GSK3B: variants seen among roughly 807,000 people sequenced by gnomAD.
GSK3B encodes the protein glycogen synthase kinase-3 beta.
Under a neutral mutation model 56.4 loss-of-function variants are expected in GSK3B, and 15 were observed. The ratio of observed to expected loss-of-function variants is 0.27; its 90% confidence interval spans 0.18 to 0.41. GSK3B has a LOEUF of 0.41. Ranked by LOEUF, GSK3B falls within the 10% of genes least tolerant of loss-of-function variation. The pLI, the probability that GSK3B is intolerant of heterozygous loss-of-function variation, is 1.00. For synonymous variants in GSK3B, 181 were observed against 188.9 expected (o/e 0.96, Z 0.34); for missense variants, 300 against 513.4 (o/e 0.58, Z 4.02).
Position 120,094,409 on chromosome 3 carries a change from A to G in GSK3B, c.-975T>C, listed in dbSNP as rs1461758961. 6.2e-6 allele frequency: 2 copies of G among 320,712 alleles called. No homozygotes were observed. Among genetic ancestry groups the G allele is most frequent in the African/African-American group, 4.5e-5 (2 of 44,584 alleles). 19.9% of individuals were successfully genotyped at this position (320,712 alleles called of 1,614,324 possible). A position where few individuals can be genotyped will look rare whatever the true frequency, so the allele number is the denominator to read the frequency against. On this transcript the variant is annotated 5_prime_UTR_variant, in exon 1 of 11. Coordinates refer to ENST00000264235, the MANE Select transcript of GSK3B (RefSeq NM_001146156.2). Reference sequence around the variant, plus strand: ...GGGCGGCGGCGGCGGCGGCGGCGGCACAAGCCCGCATTCGCCCGGGTCAGG... The same window carrying G: ...GGGCGGCGGCGGCGGCGGCGGCGGCGCAAGCCCGCATTCGCCCGGGTCAGG...
chr3:119,954,016 C>T (rs549524968), intron 2 of GSK3B, among the ~76,000 whole-genome samples: 241 of 152,188 alleles, frequency 1.6e-3, no homozygotes, highest in African/African-American at 5.4e-3. Flanking sequence ...CAGACACAGA[C>T]ACACACTCAC....
chr3:119,935,430 A>G (rs1248013995), intron 3 of GSK3B, among the ~76,000 whole-genome samples: 1 of 152,140 alleles, frequency 6.6e-6, no homozygotes, highest in Non-Finnish European at 1.5e-5. Flanking sequence ...GAACAACGAC[A>G]ACAAAATTAT....
Position 119,843,324 on chromosome 3 carries a change from T to C in GSK3B, c.1126A>G (p.Ile376Val). Residue 376 changes from isoleucine to valine, a missense_variant, in exon 10 of 11, where the codon ATC (isoleucine) becomes GTC (valine). Physicochemically the swap from Ile to Val is conservative, Grantham distance 29. Transcript: ENST00000264235. ...ELSSNPPLAT[I>V]LIPPHARIQA... The stretch of plus-strand genomic sequence containing the variant: ...ATCCGAGCATGAGGAGGAATAAGGA[T>C]GGTAGCCAGAGGTGGATTACTTGAC... 1 of 1,610,378 alleles carries C rather than the reference T, an allele frequency of 6.2e-7. No homozygotes were observed. The highest frequency in any genetic ancestry group is 8.5e-7 in the Non-Finnish European group (1 of 1,177,112).
At chr3:119,971,159 A>G (rs920521165) in intron 2 of GSK3B, among the ~76,000 whole-genome samples, 4 of 152,242 alleles carry the variant, frequency 2.6e-5, no homozygotes, top group African/African-American at 9.6e-5. Context: ...AGTTGAAGCA[A>G]TCTAGGAAGT....
intron 9 of GSK3B, among the ~76,000 whole-genome samples, chr3:119,847,127 G>A (rs1254858861): frequency 6.6e-6 from 1 of 151,984 alleles, no homozygotes; most frequent in Non-Finnish European, 1.5e-5. Context: ...TCACATACCA[G>A]GGCCTGTTGC....
chr3:119,954,467 T>C (rs2057192766), intron 2 of GSK3B, among the ~76,000 whole-genome samples: 1 of 152,198 alleles, frequency 6.6e-6, no homozygotes, highest in Non-Finnish European at 1.5e-5. Context: ...AAAATGCATG[T>C]CTTACTTTAA....
At chr3:120,030,265 TC>T (rs1371533109) in intron 1 of GSK3B, among the ~76,000 whole-genome samples, 8 of 152,118 alleles carry the variant, frequency 5.3e-5, no homozygotes, top group Non-Finnish European at 1.2e-4. Flanking sequence ...CTCCATACTC[TC>T]CCCAGATTAT....
chr3:119,990,582 A>G (rs1422021391), intron 2 of GSK3B, among the ~76,000 whole-genome samples: 1 of 152,200 alleles, frequency 6.6e-6, no homozygotes, highest in East Asian at 1.9e-4. Flanking sequence ...CTTAAGGATC[A>G]AAAACAGACA....
chr3:119,926,474 C>T (rs2056890687), intron 3 of GSK3B, among the ~76,000 whole-genome samples: 1 of 152,150 alleles, frequency 6.6e-6, no homozygotes, highest in South Asian at 2.1e-4. Context: ...CTCGTCCAAG[C>T]TACTATCACC....
intron 2 of GSK3B, among the ~76,000 whole-genome samples, chr3:119,967,743 G>GTCCCT (rs1013991434): frequency 6.7e-6 from 1 of 149,016 alleles, no homozygotes; most frequent in Non-Finnish European, 1.5e-5. Context: ...CTCCCGTCCC[G>GTCCCT]TCCCCTCCCC....
intron 2 of GSK3B, among the ~76,000 whole-genome samples, chr3:119,988,637 A>C (rs1257602934): frequency 2.0e-5 from 3 of 152,206 alleles, no homozygotes; most frequent in Non-Finnish European, 4.4e-5. Flanking sequence ...AAAGAATGTC[A>C]CTTTCTAGCA....
chr3:119,884,472 C>T (rs190283638), intron 7 of GSK3B, among the ~76,000 whole-genome samples: 27 of 152,232 alleles, frequency 1.8e-4, no homozygotes, highest in Admixed American at 1.5e-3. Context: ...CATCAATTTT[C>T]TTTTCTCATT....
At chr3:120,004,957 G>A (rs2057712581) in intron 1 of GSK3B, among the ~76,000 whole-genome samples, 2 of 152,040 alleles carry the variant, frequency 1.3e-5, no homozygotes, top group South Asian at 2.1e-4. Flanking sequence ...GCTTCAGAAG[G>A]TCAGTAATAA....
chr3:119,984,984 T>C (rs2057501439), intron 2 of GSK3B, among the ~76,000 whole-genome samples: 1 of 152,194 alleles, frequency 6.6e-6, no homozygotes, highest in African/African-American at 2.4e-5. Context: ...TCAAAAAGCT[T>C]ATCCACCACG....
intron 2 of GSK3B, among the ~76,000 whole-genome samples, chr3:119,986,350 G>A (rs1170514324): frequency 6.6e-6 from 1 of 152,018 alleles, no homozygotes; most frequent in East Asian, 1.9e-4. Flanking sequence ...CAATTAAACT[G>A]AAGAACTTCT....
rs574666498 is a variant in GSK3B, at chr3:120,038,149, G to A, written c.89-35910C>T. ...TCGGAATTTATCCCAGAGCCCAGGC[G>A]CTTACTCAACATGTTACTTCCTCCT... On this transcript the variant is annotated intron_variant, in intron 1 of 10. Coordinates refer to ENST00000264235, the MANE Select transcript of GSK3B (RefSeq NM_001146156.2). Among the ~76,000 whole-genome samples, 11 of 152,234 alleles carry A rather than the reference G, an allele frequency of 7.2e-5. No homozygotes were observed. The East Asian group carries it at 9.6e-4, about 13-fold the overall frequency.
chr3:119,825,773 G>A lies in GSK3B; in HGVS notation c.*1015C>T, dbSNP rs2055494443. ...ATGAAAAATAAACCAGTAGATGACT[G>A]TTACAGTTCACATTATTTAACTACA... On this transcript the variant is annotated 3_prime_UTR_variant, in exon 11 of 11. Coordinates refer to ENST00000264235, the MANE Select transcript of GSK3B (RefSeq NM_001146156.2). The A allele has an allele frequency of 4.5e-6, 1 of 222,104 alleles. No homozygotes were observed. The highest frequency in any genetic ancestry group is 9.0e-6 in the Non-Finnish European group (1 of 111,264). 13.8% of individuals were successfully genotyped at this position (222,104 alleles called of 1,614,324 possible).
At chr3:119,916,255 A>G in intron 4 of GSK3B, 81 bp from the exon 5 acceptor site, 1 of 1,221,132 alleles carries the variant, frequency 8.2e-7, no homozygotes, top group Non-Finnish European at 1.2e-6. Context: ...AAAGTAACAG[A>G]TTCTCAGAAA....
At chr3:119,876,830 G>C (rs1236866219) in intron 7 of GSK3B, among the ~76,000 whole-genome samples, 2 of 152,152 alleles carry the variant, frequency 1.3e-5, no homozygotes, top group Admixed American at 6.6e-5. Context: ...ATGTAAGTTT[G>C]GCTCCCTCTC....
Sources: allele counts gnomAD v4.1 joint callset (sites outside exome capture counted in the v4.1 genomes callset), GRCh38; gene constraint gnomAD v4.1.1; transcripts MANE v1.5; gene names NCBI Gene and HGNC (gene_info 2026-07-23, HGNC 2026-07-21).